Variants in LHX8 observed in about 807,000 individuals in gnomAD.
LHX8 encodes the protein LIM homeobox 8.
In LHX8, 12 loss-of-function variants were observed where a neutral mutation model predicts 40.3. The ratio of observed to expected loss-of-function variants is 0.30; its 90% confidence interval spans 0.19 to 0.48. The LOEUF (loss-of-function observed/expected upper bound fraction) is 0.48, where lower values mean the gene tolerates loss of function less well. Ranked by LOEUF, LHX8 falls within the 20% of genes least tolerant of loss-of-function variation. The pLI, the probability that LHX8 is intolerant of heterozygous loss-of-function variation, is 0.99. For missense variants in LHX8, 344 were observed against 433.7 expected (o/e 0.79, Z 1.84); for synonymous variants, 179 against 162.0 (o/e 1.10, Z -0.80).
At chr1:75,131,729 T>C (rs1647964961), upstream of LHX8, 1 of 152,222 alleles carries the variant, frequency 6.6e-6, no homozygotes, top group Non-Finnish European at 1.5e-5. Flanking sequence ...CCTGCCCCCA[T>C]CTGTTTTTAG....
chr1:75,151,339 G>C (rs1570299340), intron 7 of LHX8, among the ~76,000 whole-genome samples: 1 of 152,246 alleles, frequency 6.6e-6, no homozygotes, highest in East Asian at 1.9e-4. Flanking sequence ...GCTTATTTCA[G>C]AGTGCCAAAT....
chr1:75,176,412 C>T, the LHX8 span, among the ~76,000 whole-genome samples: 1 of 152,182 alleles, frequency 6.6e-6, no homozygotes, highest in Non-Finnish European at 1.5e-5. Context: ...TTGCATTTCT[C>T]TGATGGCCAG....
At chr1:75,168,872 T>C in the LHX8 span, among the ~76,000 whole-genome samples, 1 of 152,204 alleles carries the variant, frequency 6.6e-6, no homozygotes, top group African/African-American at 2.4e-5. Flanking sequence ...ATTTACCTGC[T>C]TCCCCACATC....
rs1207863945 is a variant in LHX8, at chr1:75,148,186, C to A, written c.685-401C>A. ...TATTAGGGGCCTTGAACATCTTTAG[C>A]TCAGGAAAGGTTGGAGACAAATGTG... On this transcript the variant is annotated intron_variant, in intron 6 of 8. Transcript: ENST00000356261. 3.3e-5 allele frequency among the ~76,000 whole-genome samples: 5 copies of A among 152,060 alleles called. No homozygotes were observed. The East Asian group carries it at 9.6e-4, about 29-fold the overall frequency.
In LHX8 at chr1:75,136,672, G is replaced by T. The variant is rs1393862322; in HGVS notation, c.58G>T (p.Ala20Ser). The T allele has an allele frequency of 1.3e-6, 2 of 1,546,786 alleles. No individual in the cohort carries two copies. The highest frequency in any genetic ancestry group is 1.7e-6 in the Non-Finnish European group (2 of 1,146,610). ...ALAAGRTRKG[A>S]GEEGLVSPEG... ...GGCGGCCGGGAGGACTCGCAAAGGC[G>T]CCGGGGAAGAGGGACTGGTGAGTGC... is the stretch of plus-strand genomic sequence containing the variant. Residue 20 changes from alanine (A) to serine (S), a missense_variant, in exon 2 of 9, where the codon GCC becomes TCC. This residue lies in a region of LHX8 where 108 missense variants were observed against 90.1 expected (regional missense o/e 1.20). Transcript: ENST00000356261.
chr1:75,138,616 C>G (rs944988693), intron 3 of LHX8, among the ~76,000 whole-genome samples: 1 of 152,098 alleles, frequency 6.6e-6, no homozygotes, highest in South Asian at 2.1e-4. Context: ...AACTAGCATC[C>G]TATTTTTAAT....
At chr1:75,163,551 C>T (rs1648972899), downstream of LHX8, among the ~76,000 whole-genome samples, 3 of 152,166 alleles carry the variant, frequency 2.0e-5, no homozygotes, top group Non-Finnish European at 4.4e-5. Context: ...ATGATTTTTA[C>T]TCTTTTGAAA....
downstream of LHX8, among the ~76,000 whole-genome samples, chr1:75,163,894 T>C (rs1648979895): frequency 6.6e-6 from 1 of 152,196 alleles, no homozygotes; most frequent in Non-Finnish European, 1.5e-5. Context: ...AAGGGGCTTG[T>C]TTGCCCCTTT....
chr1:75,194,818 G>A, the LHX8 span, among the ~76,000 whole-genome samples: 1 of 152,134 alleles, frequency 6.6e-6, no homozygotes, highest in Non-Finnish European at 1.5e-5. Flanking sequence ...TAGTTTATCT[G>A]CCTCTCCTAA....
chr1:75,128,938 A>T (rs1006460873), intron 1 of LHX8, among the ~76,000 whole-genome samples: 2 of 152,170 alleles, frequency 1.3e-5, no homozygotes, highest in African/African-American at 4.8e-5. Context: ...GAACCCCTAG[A>T]AGTGGTCAAC....
intron 4 of LHX8, 37 bp downstream of exon 4, chr1:75,141,143 T>A: frequency 6.2e-7 from 1 of 1,604,088 alleles, no homozygotes; most frequent in East Asian, 2.2e-5. Flanking sequence ...GATACTTGAA[T>A]AAATTATTAT....
At chr1:75,144,265 C>T (rs1267643526) in intron 6 of LHX8, among the ~76,000 whole-genome samples, 3 of 152,148 alleles carry the variant, frequency 2.0e-5, no homozygotes, top group African/African-American at 2.4e-5. Flanking sequence ...ATTTATATTA[C>T]TACACATAAT....
At chr1:75,137,061 A>C (rs1395828534) in intron 2 of LHX8, 39 bp from the exon 3 acceptor site, 1 of 1,559,416 alleles carries the variant, frequency 6.4e-7, no homozygotes, top group Non-Finnish European at 8.7e-7. Flanking sequence ...GAAGGGGAGG[A>C]GGGGTCTAGA....
At chr1:75,183,855 C>A in the LHX8 span, among the ~76,000 whole-genome samples, 2 of 152,154 alleles carry the variant, frequency 1.3e-5, no homozygotes, top group Non-Finnish European at 2.9e-5. Flanking sequence ...AAACCAAGAC[C>A]CAGCAGTATG....
chr1:75,190,672 C>T, the LHX8 span, among the ~76,000 whole-genome samples: 4 of 152,066 alleles, frequency 2.6e-5, no homozygotes, highest in African/African-American at 9.7e-5. Context: ...CTTAAAGATA[C>T]GTGTAGTGGA....
At chr1:75,160,758 T>C in intron 8 of LHX8, 61 bp from the exon 9 acceptor site, 1 of 1,113,666 alleles carries the variant, frequency 9.0e-7, no homozygotes, top group Non-Finnish European at 1.4e-6. Flanking sequence ...TTTTTGTTTG[T>C]TTATAAATCA....
chr1:75,148,751 CAGACTGA>C, intron 7 of LHX8, 69 bp downstream of exon 7: 1 of 1,076,200 alleles, frequency 9.3e-7, no homozygotes, highest in South Asian at 1.3e-5. Context: ...CTATGTTGCC[CAGACTGA>C]TCTTGAACTC....
chr1:75,128,826 A>G (rs1437774001), intron 1 of LHX8, among the ~76,000 whole-genome samples: 1 of 152,212 alleles, frequency 6.6e-6, no homozygotes, highest in African/African-American at 2.4e-5. Context: ...TTCATTGTGC[A>G]TCCTTGGGCC....
chr1:75,192,714 A>G, the LHX8 span, among the ~76,000 whole-genome samples: 1 of 151,910 alleles, frequency 6.6e-6, no homozygotes, highest in Admixed American at 6.6e-5. Context: ...TGTTTTTGAG[A>G]CAGAGTCTCG....
Sources: allele counts gnomAD v4.1 joint callset (sites outside exome capture counted in the v4.1 genomes callset), GRCh38; gene constraint gnomAD v4.1.1; regional missense constraint gnomAD v4.1.1; transcripts MANE v1.5; gene names NCBI Gene and HGNC (gene_info 2026-07-23, HGNC 2026-07-21).